The following IL12RB2 variants were observed in gnomAD, a reference collection of about 807,000 sequenced individuals.
IL12RB2 encodes the protein interleukin-12 receptor subunit beta-2.
IL12RB2 carries 82 observed loss-of-function variants against 89.4 expected under a neutral mutation model. The ratio of observed to expected loss-of-function variants is 0.92; its 90% confidence interval spans 0.77 to 1.10. The LOEUF (loss-of-function observed/expected upper bound fraction) is 1.10. Among genes scored for constraint, IL12RB2 ranks in the 50% least tolerant of loss-of-function variants. The probability of loss-of-function intolerance (pLI) is 0.00; values close to 1 mark genes in which losing one functional copy is unlikely to be tolerated. For missense variants in IL12RB2, 963 were observed against 1,031.9 expected (o/e 0.93, Z 0.92); for synonymous variants, 368 against 370.1 (o/e 0.99, Z 0.07).
At chr1:67,326,713 G>A in intron 4 of IL12RB2, 22 bp from the exon 5 acceptor site, 1 of 1,610,052 alleles carries the variant, frequency 6.2e-7, no homozygotes, top group Admixed American at 1.7e-5. Flanking sequence ...GATATATAAG[G>A]TTTTGTCTTT....
intron 8 of IL12RB2, among the ~76,000 whole-genome samples, chr1:67,338,290 C>T (rs1319093883): frequency 3.9e-5 from 5 of 129,680 alleles, no homozygotes; most frequent in Non-Finnish European, 7.8e-5. Context: ...GATCGTGCCA[C>T]TGCATCACTG....
intron 10 of IL12RB2, among the ~76,000 whole-genome samples, chr1:67,364,128 C>T (rs573508550): frequency 2.6e-5 from 4 of 152,308 alleles, no homozygotes; most frequent in African/African-American, 4.8e-5. Context: ...CAGTGGCTCA[C>T]GCCTGTAATC....
chr1:67,361,844 CA>C lies in IL12RB2; in HGVS notation c.1259-5973del, dbSNP rs201985270. Among the ~76,000 whole-genome samples, 14 of 151,724 alleles carry C rather than the reference CA, an allele frequency of 9.2e-5. No individual in the cohort carries two copies. In the South Asian group the frequency reaches 1.7e-3, roughly 18 times the overall value. On this transcript the variant is annotated intron_variant, in intron 10 of 16. Transcript: ENST00000674203. The stretch of plus-strand genomic sequence containing the variant: ...CAGGGTAAATGGCACCCTCCACCCA[CA>C]AAAAAAACTGTACCTACATACATCA...
At chr1:67,323,013 G>A (rs1233919167) in intron 4 of IL12RB2, among the ~76,000 whole-genome samples, 2 of 152,218 alleles carry the variant, frequency 1.3e-5, no homozygotes, top group Non-Finnish European at 2.9e-5. Context: ...AAGAGACTAG[G>A]AAGAATTGCT....
At chr1:67,370,323 C>G (rs1349136381) in intron 11 of IL12RB2, among the ~76,000 whole-genome samples, 2 of 152,036 alleles carry the variant, frequency 1.3e-5, no homozygotes, top group African/African-American at 2.4e-5. Flanking sequence ...TTGGTGGAGG[C>G]TAGGCTAGAG....
rs1657820534 is a variant in IL12RB2 at position 67,329,806 on chromosome 1, A to G, written c.807+77A>G. ...TGCGCAGACCTCTGTCTTTTCATAC[A>G]GCAAAAAATAGAGTTTAAGAATATT... is the stretch of plus-strand genomic sequence containing the variant. On this transcript the variant is annotated intron_variant, in intron 7 of 16. Coordinates refer to ENST00000674203, the MANE Select transcript of IL12RB2 (RefSeq NM_001374259.2). 4 of 982,468 alleles carry G rather than the reference A, an allele frequency of 4.1e-6. No individual in the cohort carries two copies. The Admixed American group carries it at 6.8e-5, about 17-fold the overall frequency. The allele number at this position is 982,468 out of a possible 1,614,324, so 60.9% of individuals were successfully genotyped here. A position where few individuals can be genotyped will look rare whatever the true frequency, so the allele number is the denominator to read the frequency against.
intron 10 of IL12RB2, among the ~76,000 whole-genome samples, chr1:67,355,307 GGGAGGCT>G (rs1661267638): frequency 6.6e-6 from 1 of 151,742 alleles, no homozygotes; most frequent in African/African-American, 2.4e-5. Context: ...CCAGCTACTC[GGGAGGCT>G]GAGGCAGGAG....
intron 2 of IL12RB2, among the ~76,000 whole-genome samples, chr1:67,320,064 T>G (rs61779790): frequency 0.034 from 5,107 of 152,280 alleles, 137 homozygotes; most frequent in Non-Finnish European, 0.047. Flanking sequence ...CAGGTCATGG[T>G]ATTTTGTTAC....
At chr1:67,347,424 C>G (rs1398547906) in intron 9 of IL12RB2, among the ~76,000 whole-genome samples, 1 of 152,064 alleles carries the variant, frequency 6.6e-6, no homozygotes, top group African/African-American at 2.4e-5. Flanking sequence ...TGGAGACACC[C>G]CTCCTCCAAT....
intron 10 of IL12RB2, among the ~76,000 whole-genome samples, chr1:67,366,374 C>A (rs12091981): frequency 6.7e-6 from 1 of 148,652 alleles, no homozygotes; most frequent in Non-Finnish European, 1.5e-5. Context: ...CTGCTTGAAC[C>A]TGGGAGGCAG....
rs200957598 is a variant in IL12RB2, at chr1:67,372,534, G to T, written c.1558G>T (p.Ala520Ser). ...SSILGNSKHK[A>S]PLSGPHINAI... ...CATCCTGGGTAACTCTAAGCACAAA[G>T]GTGAGTCTTGGGATCTTTTGCCAAA... Residue 520 changes from alanine to serine, a missense_variant and splice_region_variant, in exon 12 of 17, where the codon GCA (alanine) becomes TCA (serine). By Grantham distance (99) the Ala-to-Ser change is moderately conservative (BLOSUM62 1). Transcript: ENST00000674203. 2.7e-5 allele frequency: 44 copies of T among 1,602,212 alleles called. No individual in the cohort carries two copies. Among genetic ancestry groups the T allele is most frequent in the Non-Finnish European group, 3.6e-5 (42 of 1,169,256 alleles).
Position 67,395,794 on chromosome 1 carries a change from A to C in IL12RB2, c.2294A>C (p.Asp765Ala), listed in dbSNP as rs746294345. Residue 765 changes from aspartate (D) to alanine (A), a missense_variant, in exon 17 of 17, where the codon GAT becomes GCT. Transcript: ENST00000674203. ...ALQAESRQLVDLYKVLESRGS... is the reference protein window; with the variant it reads ...ALQAESRQLVALYKVLESRGS... Reference sequence around the variant, plus strand: ...CAAGCTGAGAGCAGACAACTGGTGGATCTGTACAAGGTGCTGGAGAGCAGG... The same window carrying C: ...CAAGCTGAGAGCAGACAACTGGTGGCTCTGTACAAGGTGCTGGAGAGCAGG... The C allele has an allele frequency of 4.3e-6, 7 of 1,614,010 alleles. No individual in the cohort carries two copies. In the African/African-American group the frequency reaches 9.3e-5, roughly 22 times the overall value.
In IL12RB2 at chr1:67,397,692, T is replaced by C. The variant is rs777764650; in HGVS notation, c.*1603T>C. ...GAGAAGTCTTGGTCTAAACTGCTAA[T>C]AATGCTCTTCCCTAAAGAACAGGAT... On this transcript the variant is annotated 3_prime_UTR_variant, in exon 17 of 17. Transcript: ENST00000674203. Among the ~76,000 whole-genome samples the C allele has an allele frequency of 2.0e-5, 3 of 152,236 alleles. No individual in the cohort carries two copies. Among genetic ancestry groups the C allele is most frequent in the Non-Finnish European group, 2.9e-5 (2 of 68,042 alleles).
At chr1:67,383,232 AACTC>A (rs369758121) in intron 14 of IL12RB2, among the ~76,000 whole-genome samples, 84 of 152,242 alleles carry the variant, frequency 5.5e-4, no homozygotes, top group African/African-American at 1.9e-3. Flanking sequence ...TTCTTGTGAG[AACTC>A]ACTCACTATC....
intron 9 of IL12RB2, among the ~76,000 whole-genome samples, chr1:67,343,081 G>A (rs1332793082): frequency 1.5e-5 from 1 of 65,412 alleles, no homozygotes; most frequent in African/African-American, 8.7e-5. Context: ...CCATCACCAC[G>A]CCCAGCTAAT....
chr1:67,374,749 T>C (rs927183094), intron 13 of IL12RB2, among the ~76,000 whole-genome samples: 1 of 150,024 alleles, frequency 6.7e-6, no homozygotes, highest in East Asian at 2.0e-4. Flanking sequence ...GTGCTGAGAT[T>C]ACAGGCGTGA....
intron 13 of IL12RB2, among the ~76,000 whole-genome samples, chr1:67,378,401 G>C (rs1455126231): frequency 6.6e-6 from 1 of 151,080 alleles, no homozygotes; most frequent in Admixed American, 6.6e-5. Context: ...GGGGTGTTGA[G>C]AACATAAGGA....
intron 2 of IL12RB2, among the ~76,000 whole-genome samples, chr1:67,318,479 G>C (rs1374436782): frequency 6.6e-6 from 1 of 152,126 alleles, no homozygotes; most frequent in African/African-American, 2.4e-5. Flanking sequence ...ACAGTGGTTT[G>C]GACTAGGGTG....
Position 67,395,924 on chromosome 1 carries a change from C to A in IL12RB2, c.2424C>A (p.Leu808=). 6.2e-7 allele frequency: 1 copy of A among 1,611,912 alleles called. No homozygotes were observed. Among genetic ancestry groups the A allele is most frequent in the Non-Finnish European group, 8.5e-7 (1 of 1,177,922 alleles). ...DGYLPSNIDD[L]PSHEAPLADS... The stretch of plus-strand genomic sequence containing the variant: ...ACTTACCCTCCAACATAGATGACCT[C>A]CCCTCACATGAGGCACCTCTCGCTG... The change falls in exon 17 of 17, where the codon CTC becomes CTA. Residue 808 remains leucine, a synonymous_variant. Coordinates refer to ENST00000674203, the MANE Select transcript of IL12RB2 (RefSeq NM_001374259.2).
Sources: gnomAD v4.1 joint callset for allele counts (sites outside exome capture counted in the v4.1 genomes callset) on GRCh38, gnomAD v4.1.1 for gene constraint, MANE v1.5 for transcripts, NCBI Gene and HGNC (gene_info 2026-07-23, HGNC 2026-07-21) for gene names.